The following SNX13 variants were observed in gnomAD, a reference collection of about 807,000 sequenced individuals.
SNX13 encodes the protein sorting nexin 13.
In SNX13, 45 loss-of-function variants were observed where a neutral mutation model predicts 133.6. The observed-to-expected ratio is 0.34, with a 90% confidence interval of 0.27 to 0.43. The LOEUF (loss-of-function observed/expected upper bound fraction) is 0.43. SNX13 is among the 20% of genes least tolerant of loss of function. The pLI, the probability that SNX13 is intolerant of heterozygous loss-of-function variation, is 1.00. For synonymous variants in SNX13, 414 were observed against 373.9 expected, an observed-to-expected ratio of 1.11 and a Z score of -1.24; for missense variants, 1,032 against 1,145.1, an observed-to-expected ratio of 0.90 and a Z score of 1.43.
chr7:17,841,514 G>T (rs184483311), intron 12 of SNX13, among the ~76,000 whole-genome samples: 1 of 143,580 alleles, frequency 7.0e-6, no homozygotes, highest in African/African-American at 2.9e-5. Context: ...GTGATTTCCA[G>T]AGTTACTACA....
chr7:17,935,045 A>G (rs956633008), intron 1 of SNX13, among the ~76,000 whole-genome samples: 6 of 152,228 alleles, frequency 3.9e-5, no homozygotes, highest in African/African-American at 1.4e-4. Flanking sequence ...ACGGAACTCA[A>G]TATGTTGAAA....
At chr7:17,912,923 T>G (rs1799150044) in intron 1 of SNX13, among the ~76,000 whole-genome samples, 2 of 152,170 alleles carry the variant, frequency 1.3e-5, no homozygotes, top group Admixed American at 6.5e-5. Context: ...ATCACAGGAC[T>G]GGAGCAGGAA....
intron 16 of SNX13, among the ~76,000 whole-genome samples, 170 bp downstream of exon 16, chr7:17,829,840 T>C (rs996121220): frequency 8.6e-5 from 13 of 151,262 alleles, no homozygotes; most frequent in Admixed American, 7.3e-4. Flanking sequence ...TTCTAATTCA[T>C]AGATGCCTTA....
chr7:17,825,274 C>T (rs1243908383), intron 17 of SNX13, among the ~76,000 whole-genome samples: 1 of 147,792 alleles, frequency 6.8e-6, no homozygotes, highest in African/African-American at 2.5e-5. Context: ...CTAGACTAGA[C>T]TAGACTAGAC....
At chr7:17,837,828 T>G (rs931427592) in intron 13 of SNX13, among the ~76,000 whole-genome samples, 2 of 151,836 alleles carry the variant, frequency 1.3e-5, no homozygotes, top group South Asian at 4.1e-4. Flanking sequence ...CCTTTTCTGG[T>G]GACACATTTT....
At chr7:17,935,551 A>C (rs1801918574) in intron 1 of SNX13, among the ~76,000 whole-genome samples, 2 of 152,248 alleles carry the variant, frequency 1.3e-5, no homozygotes, top group Non-Finnish European at 1.5e-5. Flanking sequence ...TAATCATTCC[A>C]CATTGTACAC....
At chr7:17,868,139 A>G (rs1793623576) in intron 9 of SNX13, 1 of 344,254 alleles carries the variant, frequency 2.9e-6, no homozygotes, top group African/African-American at 2.2e-5. Context: ...ATCTATAGAC[A>G]CAGGTAGTAA....
chr7:17,911,166 T>C (rs528765990), intron 1 of SNX13, among the ~76,000 whole-genome samples: 4 of 152,336 alleles, frequency 2.6e-5, no homozygotes, highest in Admixed American at 6.5e-5. Flanking sequence ...CTCCAAGCCA[T>C]GGTTTCTTCA....
At chr7:17,898,748 T>C (rs1376543588) in intron 1 of SNX13, 1 of 152,160 alleles carries the variant, frequency 6.6e-6, no homozygotes, top group Non-Finnish European at 1.5e-5. Context: ...TAAACAGAAA[T>C]CCTGGATAAG....
chr7:17,829,850 A>AT (rs1406821444), intron 16 of SNX13, among the ~76,000 whole-genome samples, 160 bp downstream of exon 16: 6 of 151,318 alleles, frequency 4.0e-5, no homozygotes, highest in African/African-American at 1.4e-4. Context: ...TAGATGCCTT[A>AT]TATGTGAACT....
intron 20 of SNX13, among the ~76,000 whole-genome samples, chr7:17,810,443 C>T (rs1785877375): frequency 3.9e-5 from 6 of 151,962 alleles, no homozygotes; most frequent in Admixed American, 3.3e-4. Context: ...CCTGAAGAGA[C>T]CAACAAGTTC....
intron 1 of SNX13, among the ~76,000 whole-genome samples, chr7:17,939,828 G>A (rs1270973616): frequency 2.0e-5 from 3 of 152,194 alleles, no homozygotes; most frequent in African/African-American, 7.2e-5. Flanking sequence ...AAACCGGTCG[G>A]GCCGAGCAAC....
intron 22 of SNX13, 113 bp downstream of exon 22, chr7:17,801,475 T>G (rs1032106174): frequency 2.7e-6 from 2 of 745,964 alleles, no homozygotes; most frequent in South Asian, 4.0e-5. Context: ...TCATCAAGCT[T>G]AACACTTATA....
chr7:17,807,507 C>G (rs1461435129), intron 20 of SNX13, among the ~76,000 whole-genome samples: 1 of 152,222 alleles, frequency 6.6e-6, no homozygotes, highest in South Asian at 2.1e-4. Context: ...TGGGACAGAG[C>G]ACCTGGTGAA....
chr7:17,826,085 C>G lies in SNX13; in HGVS notation c.1642G>C (p.Asp548His). ...TCAGAAGAAACATTTGAAAGGTCAT[C>G]TAAAGACTGAGAAAAAAAAATCAGG... ...SPTGSINLSL[D>H]DLSNVSSDDS... Residue 548 changes from aspartate (D) to histidine (H), a missense_variant, in exon 17 of 26, where the codon GAT becomes CAT. Asp to His is a moderately conservative substitution (Grantham distance 81, BLOSUM62 -1). Coordinates refer to ENST00000428135, the MANE Select transcript of SNX13 (RefSeq NM_015132.5). 1 of 1,531,188 alleles carries G rather than the reference C, an allele frequency of 6.5e-7. No homozygotes were observed. Among genetic ancestry groups the G allele is most frequent in the Admixed American group, 2.1e-5 (1 of 47,566 alleles). 94.9% of individuals were successfully genotyped at this position (1,531,188 alleles called of 1,614,324 possible). A position where few individuals can be genotyped will look rare whatever the true frequency, so the allele number is the denominator to read the frequency against.
At chr7:17,812,211 G>A (rs1786128906) in intron 20 of SNX13, among the ~76,000 whole-genome samples, 1 of 152,022 alleles carries the variant, frequency 6.6e-6, no homozygotes, top group African/African-American at 2.4e-5. Context: ...ATAAACTGTA[G>A]GAACCTACAG....
In SNX13 at chr7:17,794,031, C is replaced by T. The variant is rs1562635895; in HGVS notation, c.*14G>A. ...TCCTGGACAAAATGAACACCAGCTT[C>T]ATAGAGTGGAGTGTCACCTTTTCTG... is the stretch of plus-strand genomic sequence containing the variant. On this transcript the variant is annotated 3_prime_UTR_variant, in exon 26 of 26. Coordinates refer to ENST00000428135, the MANE Select transcript of SNX13 (RefSeq NM_015132.5). The T allele has an allele frequency of 6.2e-7, 1 of 1,609,234 alleles. No homozygotes were observed. The highest frequency in any genetic ancestry group is 8.5e-7 in the Non-Finnish European group (1 of 1,177,134).
chr7:17,856,293 G>A (rs1345140776), intron 9 of SNX13, among the ~76,000 whole-genome samples: 3 of 152,228 alleles, frequency 2.0e-5, no homozygotes, highest in East Asian at 3.9e-4. Context: ...TAAGCCTCAT[G>A]GTAATGACAA....
intron 16 of SNX13, among the ~76,000 whole-genome samples, chr7:17,829,196 C>T (rs17659134): frequency 0.068 from 10,331 of 151,420 alleles, 481 homozygotes; most frequent in South Asian, 0.15. Context: ...TTAGCTATTA[C>T]GAAAGGTCTA....
Sources: allele counts gnomAD v4.1 joint callset (sites outside exome capture counted in the v4.1 genomes callset), GRCh38; gene constraint gnomAD v4.1.1; transcripts MANE v1.5; gene names NCBI Gene and HGNC (gene_info 2026-07-23, HGNC 2026-07-21).